ZCWPW2: variants seen among roughly 807,000 people sequenced by gnomAD.
ZCWPW2 encodes zinc finger CW-type PWWP domain protein 2.
ZCWPW2 carries 45 observed loss-of-function variants against 46.6 expected under a neutral mutation model. The observed-to-expected ratio is 0.96, with a 90% CI of 0.76 to 1.24. The LOEUF (loss-of-function observed/expected upper bound fraction) is 1.24. Ranked by LOEUF, ZCWPW2 falls within the 50% of genes most tolerant of loss-of-function variation. ZCWPW2 has a pLI of 0.00. For synonymous variants in ZCWPW2, 152 were observed against 137.1 expected, an observed-to-expected ratio of 1.11 and a Z score of -0.76; for missense variants, 429 against 403.9, an observed-to-expected ratio of 1.06 and a Z score of -0.53.
At chr3:28,476,939 C>G (rs1383003088) in intron 4 of ZCWPW2, among the ~76,000 whole-genome samples, 2 of 152,090 alleles carry the variant, frequency 1.3e-5, no homozygotes, top group African/African-American at 4.8e-5. Flanking sequence ...GGAGCTCAGG[C>G]AGTAATGCTT....
chr3:28,364,169 A>G (rs1405901914), intron 1 of ZCWPW2, among the ~76,000 whole-genome samples: 1 of 152,212 alleles, frequency 6.6e-6, no homozygotes, highest in African/African-American at 2.4e-5. Flanking sequence ...ACTTTTATAT[A>G]TTCTTCATGG....
intron 6 of ZCWPW2, among the ~76,000 whole-genome samples, chr3:28,498,125 A>G (rs34400037): frequency 0.24 from 36,764 of 151,960 alleles, 4,803 homozygotes; most frequent in Admixed American, 0.28. Flanking sequence ...AAATAATAAA[A>G]TAAGGACTAA....
chr3:28,410,039 A>G (rs1696337510), intron 2 of ZCWPW2, among the ~76,000 whole-genome samples: 1 of 152,102 alleles, frequency 6.6e-6, no homozygotes, highest in African/African-American at 2.4e-5. Flanking sequence ...AAACATAACT[A>G]CTATCTTAAT....
intron 8 of ZCWPW2, among the ~76,000 whole-genome samples, chr3:28,516,487 G>C (rs547760349): frequency 1.8e-4 from 28 of 152,040 alleles, no homozygotes; most frequent in African/African-American, 6.5e-4. Flanking sequence ...AATGCAGGGA[G>C]AAAGTTTTAG....
At chr3:28,384,138 A>G (rs1329889292) in intron 1 of ZCWPW2, among the ~76,000 whole-genome samples, 1 of 152,180 alleles carries the variant, frequency 6.6e-6, no homozygotes, top group South Asian at 2.1e-4. Context: ...AGAATATACT[A>G]TAATGTGGAT....
At chr3:28,477,664 T>G (rs1251791360) in intron 4 of ZCWPW2, among the ~76,000 whole-genome samples, 1 of 152,180 alleles carries the variant, frequency 6.6e-6, no homozygotes, top group Non-Finnish European at 1.5e-5. Flanking sequence ...AATATATAGT[T>G]TCATTCTCTG....
In ZCWPW2 at chr3:28,463,522, A is replaced by T. The variant is rs181938489; in HGVS notation, c.493-15292A>T. 3.6e-4 allele frequency among the ~76,000 whole-genome samples: 55 copies of T among 152,306 alleles called. 1 individual carries two copies. In the East Asian group the frequency reaches 0.011, roughly 29 times the overall value. On this transcript the variant is annotated intron_variant, in intron 4 of 9. Transcript: ENST00000383768. ...TGAAAATTCTAAAATTAATAGATAT[A>T]CTCAGATTTTAGTGAAAGTCTTTAG... is the stretch of plus-strand genomic sequence containing the variant.
intron 8 of ZCWPW2, among the ~76,000 whole-genome samples, chr3:28,518,059 C>CCGGGAGG (rs1700620683): frequency 6.8e-6 from 1 of 148,116 alleles, no homozygotes; most frequent in Non-Finnish European, 1.5e-5. Flanking sequence ...TTTCTTGAAC[C>CCGGGAGG]TGGGAGGTGG....
intron 1 of ZCWPW2, among the ~76,000 whole-genome samples, chr3:28,367,949 C>T (rs919706442): frequency 6.6e-6 from 1 of 152,108 alleles, no homozygotes; most frequent in Non-Finnish European, 1.5e-5. Flanking sequence ...TCTGTTTTAT[C>T]AGAGACTAGG....
Position 28,515,612 on chromosome 3 carries a change from G to A in ZCWPW2, c.775G>A (p.Glu259Lys). ...TTATTCTGATGATGCCTTATCAAAG[G>A]AGAACAGGGGTATGTGAAAGCCTGT... is the stretch of plus-strand genomic sequence containing the variant. ...NVYSDDALSK[E>K]NRVVCETEVL... Residue 259 changes from glutamate to lysine, a missense_variant, in exon 8 of 10, where the codon GAG (glutamate) becomes AAG (lysine). Coordinates refer to ENST00000383768, the MANE Select transcript of ZCWPW2 (RefSeq NM_001040432.4). 6.2e-7 allele frequency: 1 copy of A among 1,603,792 alleles called. No individual in the cohort carries two copies. Among genetic ancestry groups the A allele is most frequent in the Non-Finnish European group, 8.5e-7 (1 of 1,179,056 alleles).
chr3:28,424,900 C>T (rs1559499044), intron 3 of ZCWPW2, among the ~76,000 whole-genome samples: 1 of 152,118 alleles, frequency 6.6e-6, no homozygotes, highest in Non-Finnish European at 1.5e-5. Flanking sequence ...TGAATATGAA[C>T]ACTTATTTTA....
Position 28,433,627 on chromosome 3 carries a change from G to A in ZCWPW2, c.333-1483G>A, listed in dbSNP as rs1361383257. Among the ~76,000 whole-genome samples, 11 of 151,988 alleles carry A rather than the reference G, an allele frequency of 7.2e-5. No homozygotes were observed. The East Asian group carries it at 1.4e-3, about 19-fold the overall frequency. On this transcript the variant is annotated intron_variant, in intron 3 of 9. Coordinates refer to ENST00000383768, the MANE Select transcript of ZCWPW2 (RefSeq NM_001040432.4). ...ACTAATTAGCCAGGCATGGTGGCAG[G>A]CGCCTGTAATCCCAGTTACTCGGGA... is the stretch of plus-strand genomic sequence containing the variant.
intron 4 of ZCWPW2, among the ~76,000 whole-genome samples, chr3:28,438,908 T>C (rs898867432): frequency 4.6e-5 from 7 of 151,676 alleles, no homozygotes; most frequent in Admixed American, 4.6e-4. Flanking sequence ...ACTATAGGGA[T>C]TCAAAGACAA....
At chr3:28,462,921 G>A (rs1005724308) in intron 4 of ZCWPW2, among the ~76,000 whole-genome samples, 2 of 152,188 alleles carry the variant, frequency 1.3e-5, no homozygotes, top group African/African-American at 4.8e-5. Flanking sequence ...AAGGAAAAAT[G>A]AGGTTAAGGC....
intron 3 of ZCWPW2, among the ~76,000 whole-genome samples, chr3:28,427,110 C>A (rs1467872247): frequency 6.6e-6 from 1 of 152,142 alleles, no homozygotes; most frequent in Non-Finnish European, 1.5e-5. Flanking sequence ...CAAAATTGAT[C>A]GTATACTTTT....
intron 1 of ZCWPW2, among the ~76,000 whole-genome samples, chr3:28,378,365 T>C (rs1705567302): frequency 1.3e-5 from 2 of 152,050 alleles, no homozygotes; most frequent in Non-Finnish European, 2.9e-5. Flanking sequence ...ACTTTGGTTT[T>C]TGCACATTTT....
chr3:28,350,005 T>C (rs1439648587), intron 1 of ZCWPW2, among the ~76,000 whole-genome samples: 1 of 152,234 alleles, frequency 6.6e-6, no homozygotes, highest in Non-Finnish European at 1.5e-5. Context: ...TTTTATGACA[T>C]TTCTAAAAAT....
chr3:28,352,388 A>G (rs1175675743), intron 1 of ZCWPW2, among the ~76,000 whole-genome samples: 3 of 152,152 alleles, frequency 2.0e-5, no homozygotes, highest in Non-Finnish European at 4.4e-5. Flanking sequence ...TTCATTCCTA[A>G]GATTGATCTT....
intron 1 of ZCWPW2, among the ~76,000 whole-genome samples, chr3:28,380,948 A>ATATATATATATATTTTT (rs1559480561): frequency 2.4e-5 from 1 of 41,448 alleles, no homozygotes; most frequent in Admixed American, 2.9e-4. Flanking sequence ...ATATATATAT[A>ATATATATATATATTTTT]TATATATATA....
Sources: allele counts gnomAD v4.1 joint callset (sites outside exome capture counted in the v4.1 genomes callset), GRCh38; gene constraint gnomAD v4.1.1; transcripts MANE v1.5; gene names NCBI Gene and HGNC (gene_info 2026-07-23, HGNC 2026-07-21).